Variants in BCAS3 observed in about 807,000 individuals in gnomAD.
The protein encoded by BCAS3 is BCAS3 microtubule associated cell migration factor, also known as BCAS4/BCAS3 fusion.
Under a neutral mutation model 116.1 loss-of-function variants are expected in BCAS3, and 53 were observed. The ratio of observed to expected loss-of-function variants is 0.46; its 90% confidence interval spans 0.37 to 0.57. BCAS3 has a LOEUF of 0.57. BCAS3 is among the 20% of genes least tolerant of loss of function. The pLI is 0.00. For missense variants in BCAS3, 917 were observed against 1,165.4 expected, an observed-to-expected ratio of 0.79 and a Z score of 3.10; for synonymous variants, 391 against 408.2, an observed-to-expected ratio of 0.96 and a Z score of 0.51.
intron 7 of BCAS3, among the ~76,000 whole-genome samples, chr17:60,856,461 G>A (rs1373637636): frequency 6.6e-6 from 1 of 152,264 alleles, no homozygotes; most frequent in East Asian, 1.9e-4. Context: ...GGCCAAGGCA[G>A]GTGGATTACA....
At chr17:60,817,823 T>C (rs1437659471) in intron 7 of BCAS3, among the ~76,000 whole-genome samples, 1 of 152,174 alleles carries the variant, frequency 6.6e-6, no homozygotes, top group South Asian at 2.1e-4. Flanking sequence ...TATCAGTTAA[T>C]ACTTTAAATT....
intron 22 of BCAS3, among the ~76,000 whole-genome samples, chr17:61,291,794 G>C (rs1328660017): frequency 6.6e-6 from 1 of 152,208 alleles, no homozygotes; most frequent in Non-Finnish European, 1.5e-5. Flanking sequence ...AAAGTGGGCT[G>C]ATGGTGGTTG....
intron 7 of BCAS3, among the ~76,000 whole-genome samples, chr17:60,826,827 A>T (rs1186718872): frequency 6.6e-6 from 1 of 152,248 alleles, no homozygotes; most frequent in Non-Finnish European, 1.5e-5. Context: ...TATAATGTAT[A>T]TCTGAAGAAA....
chr17:60,875,010 T>A (rs1241229446), intron 9 of BCAS3, among the ~76,000 whole-genome samples: 6 of 152,174 alleles, frequency 3.9e-5, no homozygotes, highest in African/African-American at 7.2e-5. Context: ...TGTGATTTAG[T>A]TTCATATAGC....
chr17:61,273,361 A>G (rs1030631067), intron 22 of BCAS3, among the ~76,000 whole-genome samples: 50 of 152,070 alleles, frequency 3.3e-4, no homozygotes, highest in African/African-American at 1.1e-3. Context: ...GCTGAATATA[A>G]TGCTGCATTT....
In BCAS3 at chr17:61,073,568, G is replaced by T. The variant is rs921637657; in HGVS notation, c.2030-1352G>T. 6.6e-6 allele frequency among the ~76,000 whole-genome samples: 1 copy of T among 152,096 alleles called. No homozygotes were observed. The highest frequency in any genetic ancestry group is 1.5e-5 in the Non-Finnish European group (1 of 68,026). On this transcript the variant is annotated intron_variant, in intron 19 of 23. Transcript: ENST00000407086. This position sits in a 1 kb window ranked among gnomAD's most constrained non-coding sequence, Gnocchi z 4.6. ...AACTCTTTCTGGGAACATATATTAA[G>T]AAATTTATATATTTACATCCTCTGA...
chr17:61,338,318 ACT>A (rs2056878015), intron 22 of BCAS3, among the ~76,000 whole-genome samples: 1 of 152,184 alleles, frequency 6.6e-6, no homozygotes, highest in South Asian at 2.1e-4. Flanking sequence ...CTAAACCTTT[ACT>A]ATAATAAGCA....
chr17:61,010,375 T>C (rs1426029850), intron 15 of BCAS3, among the ~76,000 whole-genome samples: 1 of 152,038 alleles, frequency 6.6e-6, no homozygotes, highest in Non-Finnish European at 1.5e-5. Context: ...AGTGGAACTA[T>C]GTGTTAGTAT....
chr17:60,802,823 T>C (rs542322349), intron 6 of BCAS3, among the ~76,000 whole-genome samples: 26 of 152,274 alleles, frequency 1.7e-4, no homozygotes, highest in Non-Finnish European at 3.2e-4. Flanking sequence ...GAGATGGGGT[T>C]TCACCACATT....
At chr17:61,070,366 AATATATAT>A (rs55736464) in intron 19 of BCAS3, 9,319 of 313,848 alleles carry the variant, frequency 0.03, 1,263 homozygotes, top group African/African-American at 0.23. Flanking sequence ...CCTAATTCTG[AATATATAT>A]ATATATATAT....
Position 61,224,933 on chromosome 17 carries a change from C to T in BCAS3, c.2425+140369C>T, listed in dbSNP as rs2082294745. Among the ~76,000 whole-genome samples, 1 of 152,160 alleles carries T rather than the reference C, an allele frequency of 6.6e-6. No individual in the cohort carries two copies. Among genetic ancestry groups the T allele is most frequent in the Non-Finnish European group, 1.5e-5 (1 of 68,048 alleles). On this transcript the variant is annotated intron_variant, in intron 22 of 23. Coordinates refer to ENST00000407086, the MANE Select transcript of BCAS3 (RefSeq NM_017679.5). This position sits in a 1 kb window ranked among gnomAD's most constrained non-coding sequence, Gnocchi z 5.7. ...ATTTGGAACCCATTCTTCTGTTCTCCTGTCTTTGGTTTTATGCACACAAAG... is the reference window on the plus strand; with the variant it reads ...ATTTGGAACCCATTCTTCTGTTCTCTTGTCTTTGGTTTTATGCACACAAAG...
At chr17:60,762,015 G>T (rs1206342067) in intron 6 of BCAS3, among the ~76,000 whole-genome samples, 9 of 151,946 alleles carry the variant, frequency 5.9e-5, no homozygotes, top group Admixed American at 3.9e-4. Context: ...TTTTGAGAAG[G>T]GTCTGTTCAT....
chr17:60,981,373 C>T (rs374969115), intron 14 of BCAS3, among the ~76,000 whole-genome samples: 68 of 151,968 alleles, frequency 4.5e-4, no homozygotes, highest in African/African-American at 1.6e-3. Flanking sequence ...TCTGCCTCCT[C>T]CCAGGTTCAA....
In BCAS3 at chr17:61,200,252, C is replaced by T. The variant is rs986267256; in HGVS notation, c.2425+115688C>T. On this transcript the variant is annotated intron_variant, in intron 22 of 23. Transcript: ENST00000407086. The surrounding 1 kb of genome is among the most constrained non-coding windows in gnomAD (Gnocchi z 5.1). ...GCTTGCTTGAGACATCAGAAGGAGT[C>T]AGAGTGGTCTGAGCGAATGAGAAGG... 3.3e-5 allele frequency among the ~76,000 whole-genome samples: 5 copies of T among 152,150 alleles called. No homozygotes were observed. The highest frequency in any genetic ancestry group is 1.3e-4 in the Admixed American group (2 of 15,276).
Position 61,128,966 on chromosome 17 carries a change from C to T in BCAS3, c.2425+44402C>T, listed in dbSNP as rs978008389. 6.6e-6 allele frequency among the ~76,000 whole-genome samples: 1 copy of T among 152,172 alleles called. No individual in the cohort carries two copies. The highest frequency in any genetic ancestry group is 1.5e-5 in the Non-Finnish European group (1 of 68,044). On this transcript the variant is annotated intron_variant, in intron 22 of 23. Transcript: ENST00000407086. The surrounding 1 kb of genome is among the most constrained non-coding windows in gnomAD (Gnocchi z 4.1). Reference sequence around the variant, plus strand: ...GGGGACAGGGCTATATTGAGTTCTCCGCAGTTTTCTAACAGAGAGATTTAG... The same window carrying T: ...GGGGACAGGGCTATATTGAGTTCTCTGCAGTTTTCTAACAGAGAGATTTAG...
At chr17:60,955,073 A>G (rs2061049272) in intron 14 of BCAS3, among the ~76,000 whole-genome samples, 2 of 152,044 alleles carry the variant, frequency 1.3e-5, no homozygotes, top group African/African-American at 4.8e-5. Context: ...CTGGTTGTCT[A>G]CTTGTTTGTC....
chr17:60,733,532 G>T, intron 5 of BCAS3, among the ~76,000 whole-genome samples: 1 of 152,178 alleles, frequency 6.6e-6, no homozygotes, highest in South Asian at 2.1e-4. Context: ...TCCATGTCTA[G>T]TGGCCAATTT....
intron 3 of BCAS3, among the ~76,000 whole-genome samples, chr17:60,685,026 A>G (rs1476309420): frequency 6.6e-6 from 1 of 152,210 alleles, no homozygotes; most frequent in Non-Finnish European, 1.5e-5. Flanking sequence ...TGAATTGAGG[A>G]ATAGAGTGGA....
intron 7 of BCAS3, among the ~76,000 whole-genome samples, chr17:60,822,749 C>T (rs1157873608): frequency 1.3e-5 from 2 of 152,212 alleles, no homozygotes; most frequent in Admixed American, 6.5e-5. Context: ...AGTGTTCTTG[C>T]GGTGTCCCCT....
Sources: gnomAD v4.1 joint callset for allele counts (sites outside exome capture counted in the v4.1 genomes callset) on GRCh38, gnomAD v4.1.1 for gene constraint, Gnocchi (gnomAD v3.1) non-coding constraint, MANE v1.5 for transcripts, NCBI Gene and HGNC (gene_info 2026-07-23, HGNC 2026-07-21) for gene names.